The following ADAMTS13 variants were observed in gnomAD, a reference collection of about 807,000 sequenced individuals.
ADAMTS13 encodes the protein A disintegrin and metalloproteinase with thrombospondin motifs 13.
A neutral mutation model predicts 155.1 loss-of-function variants in ADAMTS13; 110 were observed. That is an observed-to-expected ratio of 0.71 (90% CI 0.61 to 0.83). ADAMTS13 has a LOEUF of 0.83. Ranked by LOEUF, ADAMTS13 falls within the 40% of genes least tolerant of loss-of-function variation. The pLI is 0.00. For missense variants in ADAMTS13, 1,707 were observed against 1,891.7 expected (o/e 0.90, Z 1.81); for synonymous variants, 758 against 756.4 (o/e 1.00, Z -0.03).
Position 133,442,628 on chromosome 9 carries a change from A to C in ADAMTS13, c.2119A>C (p.Asn707His), listed in dbSNP as rs1841758902. Residue 707 changes from asparagine to histidine, a missense_variant, in exon 18 of 29, where the codon AAC becomes CAC. By Grantham distance (68) the Asn-to-His change is moderately conservative. This residue lies in a region of ADAMTS13 where 961 missense variants were observed against 1,107.9 expected (regional missense o/e 0.87). Coordinates refer to ENST00000355699, the MANE Select transcript of ADAMTS13 (RefSeq NM_139027.6). ...VSCGAGLRWV[N>H]YSCLDQARKE... ...TTCCCTCCCAGGGCTGCGCTGGGTAAACTACAGCTGCCTGGACCAGGCCAG... is the reference window on the plus strand; with the variant it reads ...TTCCCTCCCAGGGCTGCGCTGGGTACACTACAGCTGCCTGGACCAGGCCAG... The C allele has an allele frequency of 6.2e-7, 1 of 1,613,256 alleles. No homozygotes were observed. The highest frequency in any genetic ancestry group is 8.5e-7 in the Non-Finnish European group (1 of 1,180,008).
intron 23 of ADAMTS13, among the ~76,000 whole-genome samples, 186 bp downstream of exon 23, chr9:133,450,151 G>T (rs1475173553): frequency 6.6e-6 from 1 of 152,054 alleles, no homozygotes; most frequent in Non-Finnish European, 1.5e-5. Context: ...AACAAGACGG[G>T]GCCAGGTGTG....
At position 133,456,275 on chromosome 9, in the gene ADAMTS13, G is replaced by A. The variant is rs1423705920; in HGVS notation, c.3547+60G>A. 1.2e-6 allele frequency: 2 copies of A among 1,609,494 alleles called. No individual in the cohort carries two copies. Among genetic ancestry groups the A allele is most frequent in the African/African-American group, 1.3e-5 (1 of 75,012 alleles). The stretch of plus-strand genomic sequence containing the variant: ...TATGGGCCCTGCCAGGAGCCAGCAC[G>A]ACGCTGCATGCCCCATTCCTGGCAG... On this transcript the variant is annotated intron_variant, in intron 26 of 28. Coordinates refer to ENST00000355699, the MANE Select transcript of ADAMTS13 (RefSeq NM_139027.6). This position sits in a 1 kb window ranked among gnomAD's most constrained non-coding sequence, Gnocchi z 4.4.
At chr9:133,419,723 A>G (rs1839869711), upstream of ADAMTS13, among the ~76,000 whole-genome samples, 1 of 152,134 alleles carries the variant, frequency 6.6e-6, no homozygotes, top group Admixed American at 6.5e-5. Context: ...CAGCAAGTCC[A>G]CCGAAAAGGG....
intron 23 of ADAMTS13, among the ~76,000 whole-genome samples, chr9:133,454,181 T>G (rs1842605535): frequency 6.6e-6 from 1 of 152,030 alleles, no homozygotes; most frequent in Non-Finnish European, 1.5e-5. Flanking sequence ...TAGAGGGGGA[T>G]GTGCAATTAG....
chr9:133,433,408 G>T lies in ADAMTS13; in HGVS notation c.1123G>T (p.Val375Leu), dbSNP rs371969346. The change falls in exon 10 of 29, where the codon GTG (valine) becomes TTG (leucine). Residue 375 changes from valine to leucine, a missense_variant. Around this residue, in one of 3 missense-constraint regions of ADAMTS13, gnomAD observed 733 missense variants for 749.6 expected, o/e 0.98. Transcript: ENST00000355699. ...WCSKGRCRSL[V>L]ELTPIAAVHG... ...CTCCAAGGGTCGCTGCCGCTCCCTG[G>T]TGGAGCTGACCCCCATAGCAGCAGT... 54 of 1,613,030 alleles carry T rather than the reference G, an allele frequency of 3.3e-5. No individual in the cohort carries two copies. Among genetic ancestry groups the T allele is most frequent in the Non-Finnish European group, 4.1e-5 (48 of 1,179,944 alleles).
intron 6 of ADAMTS13, 57 bp from the exon 7 acceptor site, chr9:133,428,567 GTCCCGCCCCC>G: frequency 1.0e-5 from 1 of 96,950 alleles, no homozygotes; most frequent in Non-Finnish European, 2.0e-5. Context: ...GCCGACCCCC[GTCCCGCCCCC>G]ACCCCCGCCC....
chr9:133,418,394 C>T (rs1839806316), upstream of ADAMTS13, among the ~76,000 whole-genome samples: 3 of 152,202 alleles, frequency 2.0e-5, no homozygotes, highest in Non-Finnish European at 4.4e-5. Context: ...AGCCTCACAG[C>T]GGCTCATCTT....
upstream of ADAMTS13, among the ~76,000 whole-genome samples, chr9:133,417,223 G>A (rs943032667): frequency 6.6e-6 from 1 of 152,202 alleles, no homozygotes; most frequent in Admixed American, 6.5e-5. Flanking sequence ...CACCATGTTG[G>A]CCGGGCTGGT....
chr9:133,453,334 G>C (rs988011831), intron 23 of ADAMTS13, among the ~76,000 whole-genome samples: 2 of 152,206 alleles, frequency 1.3e-5, no homozygotes, highest in Non-Finnish European at 2.9e-5. Flanking sequence ...TACTTGGGAG[G>C]CTGAGGCAGG....
At chr9:133,420,858 G>A (rs1554782978), upstream of ADAMTS13, among the ~76,000 whole-genome samples, 1 of 152,238 alleles carries the variant, frequency 6.6e-6, no homozygotes, top group Non-Finnish European at 1.5e-5. Flanking sequence ...TTGAAGGCAA[G>A]GAAGTGGAGA....
Position 133,459,285 on chromosome 9 carries a change from G to C in ADAMTS13, c.*105G>C. 8.4e-7 allele frequency: 1 copy of C among 1,188,672 alleles called. No individual in the cohort carries two copies. The highest frequency in any genetic ancestry group is 1.2e-6 in the Non-Finnish European group (1 of 823,056). The allele number at this position is 1,188,672 out of a possible 1,614,324, so 73.6% of individuals were successfully genotyped here. ...TTTCCAATCTTAGGTATCTACTTTA[G>C]AGTCTTCTCCAATGTCCAAAAGGCT... On this transcript the variant is annotated 3_prime_UTR_variant, in exon 29 of 29. Transcript: ENST00000355699.
rs782214749 is a variant in ADAMTS13, at chr9:133,459,250, A to G, written c.*70A>G. On this transcript the variant is annotated 3_prime_UTR_variant, in exon 29 of 29. Transcript: ENST00000355699. ...TGACCCCTGGTCTCAGTGCTTTCCA[A>G]TTCGAACTTTTTCCAATCTTAGGTA... The G allele has an allele frequency of 5.5e-6, 8 of 1,450,758 alleles. No homozygotes were observed. Among genetic ancestry groups the G allele is most frequent in the South Asian group, 3.7e-5 (3 of 81,952 alleles). 89.9% of individuals were successfully genotyped at this position (1,450,758 alleles called of 1,614,324 possible).
rs36219898 is a variant in ADAMTS13 at position 133,432,975 on chromosome 9, G to A, written c.1092+283G>A. On this transcript the variant is annotated intron_variant, in intron 9 of 28. Coordinates refer to ENST00000355699, the MANE Select transcript of ADAMTS13 (RefSeq NM_139027.6). ...GTGTGAAGGTCCTTGTGGATATGGG[G>A]TGTCTCGGGGGGGATCCCTGTGTAA... 0.022 allele frequency among the ~76,000 whole-genome samples: 3,114 copies of A among 143,490 alleles called. 117 individuals carry two copies. The highest frequency in any genetic ancestry group is 0.084 in the African/African-American group (2,964 of 35,292). 94.1% of individuals were successfully genotyped at this position (143,490 alleles called of 152,430 possible). A position where few individuals can be genotyped will look rare whatever the true frequency, so the allele number is the denominator to read the frequency against.
Position 133,454,582 on chromosome 9 carries a change from A to G in ADAMTS13, c.3212A>G (p.Asp1071Gly). The G allele has an allele frequency of 1.2e-6, 2 of 1,605,934 alleles. No homozygotes were observed. The highest frequency in any genetic ancestry group is 1.1e-5 in the South Asian group (1 of 91,022). ...GCCAGTGTCCCCTGTCTCATTGCCG[A>G]CTGCACCTACCGCTGGCATGTTGGC... ...PEASVPCLIA[D>G]CTYRWHVGTW... The change falls in exon 24 of 29, where the codon GAC becomes GGC. Residue 1071 changes from aspartate to glycine, a missense_variant. Transcript: ENST00000355699.
In ADAMTS13 at chr9:133,459,171, A is replaced by G. The variant is rs1359158274; in HGVS notation, c.4107A>G (p.Glu1369=). Residue 1369 remains glutamate (E), a synonymous_variant, in exon 29 of 29, where the codon GAA becomes GAG. Transcript: ENST00000355699. The part of the protein sequence containing the change: ...MQDPQSWKGK[E]GT ...ACCCTCAGTCCTGGAAGGGAAAGGA[A>G]GGAACCTGAGGGTCATTGAACATTT... The G allele has an allele frequency of 1.2e-6, 2 of 1,609,292 alleles. No homozygotes were observed. The highest frequency in any genetic ancestry group is 1.7e-5 in the Admixed American group (1 of 59,554).
In ADAMTS13 at chr9:133,428,740, TG is replaced by T; in HGVS notation, c.794del (p.Cys265SerfsTer7). The T allele has an allele frequency of 7.4e-7, 1 of 1,358,444 alleles. No individual in the cohort carries two copies. The highest frequency in any genetic ancestry group is 9.5e-7 in the Non-Finnish European group (1 of 1,052,144). 84.1% of individuals were successfully genotyped at this position (1,358,444 alleles called of 1,614,324 possible). A position where few individuals can be genotyped will look rare whatever the true frequency, so the allele number is the denominator to read the frequency against. ...APRAGLAWSP[C>X]SRRQLLSLLS... Reference sequence around the variant, plus strand: ...CCGCGCCGGCCTCGCCTGGTCCCCCTGCAGCCGCCGGCAGCTGCTGAGCCTG... The same window carrying T: ...CCGCGCCGGCCTCGCCTGGTCCCCCTCAGCCGCCGGCAGCTGCTGAGCCTG... On this transcript the variant is annotated frameshift_variant, in exon 7 of 29. Coordinates refer to ENST00000355699, the MANE Select transcript of ADAMTS13 (RefSeq NM_139027.6). LOFTEE classifies it high-confidence loss of function.
intron 27 of ADAMTS13, chr9:133,457,015 G>A (rs1470181897): frequency 1.2e-4 from 47 of 407,052 alleles, no homozygotes; most frequent in African/African-American, 1.1e-3. Flanking sequence ...CACCTGCCCC[G>A]CCCCCACCCC....
chr9:133,432,820 G>A, intron 9 of ADAMTS13, 128 bp downstream of exon 9: 2 of 945,058 alleles, frequency 2.1e-6, no homozygotes, highest in Middle Eastern at 4.2e-4. Flanking sequence ...AGTTGGCCTT[G>A]GGGACTGTCC....
rs76504952 is a variant in ADAMTS13, at chr9:133,452,822, G to A, written c.3045-1593G>A. ...CATGAGCTCTGGCCATCCCTCTGAC[G>A]TTGCTGTAGCCACGCTGGCCTCATT... is the stretch of plus-strand genomic sequence containing the variant. On this transcript the variant is annotated intron_variant, in intron 23 of 28. Transcript: ENST00000355699. Among the ~76,000 whole-genome samples the A allele has an allele frequency of 2.1e-3, 321 of 152,276 alleles. 1 individual carries two copies. The highest frequency in any genetic ancestry group is 3.4e-3 in the Non-Finnish European group (230 of 68,028).
Sources: gnomAD v4.1 joint callset for allele counts (sites outside exome capture counted in the v4.1 genomes callset) on GRCh38, gnomAD v4.1.1 for gene constraint, gnomAD v4.1.1 regional missense constraint, Gnocchi (gnomAD v3.1) non-coding constraint, MANE v1.5 for transcripts, NCBI Gene and HGNC (gene_info 2026-07-23, HGNC 2026-07-21) for gene names.